ARHGAP32: variants seen among roughly 807,000 people sequenced by gnomAD.
ARHGAP32 encodes rho GTPase-activating protein 32.
A neutral mutation model predicts 186.5 loss-of-function variants in ARHGAP32; 51 were observed. That is an observed-to-expected ratio of 0.27 (90% CI 0.22 to 0.35). The LOEUF (loss-of-function observed/expected upper bound fraction) is 0.35. Among genes scored for constraint, ARHGAP32 ranks in the 10% least tolerant of loss-of-function variants. ARHGAP32 has a pLI of 1.00. For synonymous variants in ARHGAP32, 950 were observed against 964.3 expected, an observed-to-expected ratio of 0.99 and a Z score of 0.27; for missense variants, 2,186 against 2,623.5, an observed-to-expected ratio of 0.83 and a Z score of 3.64.
At chr11:129,100,547 G>C (rs886652477) in intron 5 of ARHGAP32, among the ~76,000 whole-genome samples, 1 of 152,146 alleles carries the variant, frequency 6.6e-6, no homozygotes, top group Admixed American at 6.5e-5. Flanking sequence ...AGTATGGGCA[G>C]GTTTCGCTTT....
intron 2 of ARHGAP32, among the ~76,000 whole-genome samples, chr11:129,148,331 C>T (rs1426597187): frequency 6.6e-6 from 1 of 152,148 alleles, no homozygotes; most frequent in Non-Finnish European, 1.5e-5. Context: ...AACACACAAC[C>T]CCACTGGAGA....
chr11:128,979,225 A>T lies in ARHGAP32; in HGVS notation c.1977-310T>A, dbSNP rs142088128. Among the ~76,000 whole-genome samples the T allele has an allele frequency of 6.0e-3, 908 of 152,316 alleles. 15 individuals carry two copies. Among genetic ancestry groups the T allele is most frequent in the African/African-American group, 0.021 (861 of 41,578 alleles). On this transcript the variant is annotated intron_variant, in intron 18 of 22. Coordinates refer to ENST00000682385, the MANE Select transcript of ARHGAP32 (RefSeq NM_001378024.1). ...AAATAAGACGTATCTGGGAATAGGA[A>T]ATATTAAGTGTCCAAAAATAACACA...
intron 1 of ARHGAP32, chr11:129,203,146 C>A (rs893043093): frequency 6.6e-6 from 1 of 152,184 alleles, no homozygotes; most frequent in Non-Finnish European, 1.5e-5. Flanking sequence ...GCAGACTCAA[C>A]AAATAACAAA....
intron 1 of ARHGAP32, among the ~76,000 whole-genome samples, chr11:129,252,660 T>G (rs2135694055): frequency 6.6e-6 from 1 of 152,338 alleles, no homozygotes; most frequent in African/African-American, 2.4e-5. Context: ...TACGTGAATT[T>G]GCATTAAAGC....
intron 11 of ARHGAP32, among the ~76,000 whole-genome samples, chr11:129,036,488 A>AG (rs1939347228): frequency 6.6e-6 from 1 of 152,144 alleles, no homozygotes; most frequent in East Asian, 1.9e-4. Flanking sequence ...AATTTATAGT[A>AG]CATCTGAGTC....
At chr11:129,007,920 T>C (rs1417909245) in intron 11 of ARHGAP32, among the ~76,000 whole-genome samples, 36 of 152,152 alleles carry the variant, frequency 2.4e-4, no homozygotes. Context: ...TTCCCCTCTG[T>C]CTAGGGCTGT....
intron 6 of ARHGAP32, among the ~76,000 whole-genome samples, chr11:129,084,146 A>G (rs1037358136): frequency 1.3e-5 from 2 of 152,162 alleles, no homozygotes; most frequent in African/African-American, 4.8e-5. Context: ...AAATCTAATT[A>G]ACAGTTAATA....
intron 3 of ARHGAP32, among the ~76,000 whole-genome samples, 173 bp from the exon 4 acceptor site, chr11:129,124,102 T>C (rs868803286): frequency 2.2e-4 from 34 of 152,142 alleles, no homozygotes; most frequent in African/African-American, 7.5e-4. Flanking sequence ...GAGTTTTGGA[T>C]TTCAGATTTT....
chr11:129,188,460 A>G (rs1944206641), intron 1 of ARHGAP32, among the ~76,000 whole-genome samples: 1 of 152,158 alleles, frequency 6.6e-6, no homozygotes, highest in Non-Finnish European at 1.5e-5. Context: ...TGGGCCTGGG[A>G]GTTCAAAGCT....
chr11:129,136,227 T>C (rs1227897190), intron 2 of ARHGAP32, among the ~76,000 whole-genome samples: 1 of 152,010 alleles, frequency 6.6e-6, no homozygotes, highest in Non-Finnish European at 1.5e-5. Flanking sequence ...GTGCCAAACA[T>C]AAATAATCAT....
At chr11:129,077,391 T>C (rs561918334) in intron 6 of ARHGAP32, among the ~76,000 whole-genome samples, 3 of 152,202 alleles carry the variant, frequency 2.0e-5, no homozygotes, top group Admixed American at 2.0e-4. Flanking sequence ...CAGGGAGGCT[T>C]GTAGCCTGGG....
intron 1 of ARHGAP32, among the ~76,000 whole-genome samples, chr11:129,182,808 T>C (rs747198451): frequency 1.3e-4 from 20 of 152,048 alleles, no homozygotes; most frequent in South Asian, 4.2e-4. Context: ...CATGCCAGGC[T>C]AAGTTTTTTA....
intron 2 of ARHGAP32, among the ~76,000 whole-genome samples, chr11:129,134,348 T>A (rs1287895530): frequency 3.3e-5 from 5 of 152,224 alleles, no homozygotes; most frequent in Non-Finnish European, 5.9e-5. Flanking sequence ...AGGATGTATG[T>A]ACCACATCTA....
intron 6 of ARHGAP32, among the ~76,000 whole-genome samples, chr11:129,086,663 T>C (rs1348266139): frequency 6.6e-6 from 1 of 151,448 alleles, no homozygotes; most frequent in East Asian, 1.9e-4. Flanking sequence ...CTACTAAAAA[T>C]ACAAAAAATT....
At chr11:129,239,360 T>C (rs1944985049) in intron 1 of ARHGAP32, among the ~76,000 whole-genome samples, 1 of 152,174 alleles carries the variant, frequency 6.6e-6, no homozygotes, top group African/African-American at 2.4e-5. Flanking sequence ...ACAGCAGCGC[T>C]GTAAGGAGGG....
At chr11:129,170,403 T>C (rs1049116488) in intron 1 of ARHGAP32, among the ~76,000 whole-genome samples, 7 of 152,022 alleles carry the variant, frequency 4.6e-5, no homozygotes, top group African/African-American at 1.7e-4. Context: ...AGTGTTCAAC[T>C]CCCAATTATG....
intron 1 of ARHGAP32, among the ~76,000 whole-genome samples, chr11:129,240,879 G>C (rs935606903): frequency 1.3e-5 from 2 of 152,134 alleles, no homozygotes; most frequent in African/African-American, 4.8e-5. Context: ...AAGTTTAAAA[G>C]TAACATTTCA....
At chr11:129,086,699 T>C (rs1198468508) in intron 6 of ARHGAP32, among the ~76,000 whole-genome samples, 3 of 151,644 alleles carry the variant, frequency 2.0e-5, no homozygotes, top group South Asian at 2.1e-4. Context: ...TGGGCGCCTG[T>C]AGTCCCAGCT....
At chr11:128,983,762 G>A (rs1945783360) in intron 15 of ARHGAP32, among the ~76,000 whole-genome samples, 1 of 151,752 alleles carries the variant, frequency 6.6e-6, no homozygotes, top group Admixed American at 6.6e-5. Context: ...AAGGACTTCA[G>A]GAATGTATTT....
Sources: allele counts gnomAD v4.1 joint callset (sites outside exome capture counted in the v4.1 genomes callset), GRCh38; gene constraint gnomAD v4.1.1; transcripts MANE v1.5; gene names NCBI Gene and HGNC (gene_info 2026-07-23, HGNC 2026-07-21).